The following SPEF2 variants were observed in gnomAD, a reference collection of about 807,000 sequenced individuals.
SPEF2 encodes the protein sperm flagella and cilia-associated protein 2.
A neutral mutation model predicts 224.6 loss-of-function variants in SPEF2; 187 were observed. That is an observed-to-expected ratio of 0.83 (90% CI 0.74 to 0.94). SPEF2 has a LOEUF of 0.94. SPEF2 is among the 40% of genes least tolerant of loss of function. SPEF2 has a pLI of 0.00. For missense variants in SPEF2, 2,170 were observed against 2,135.6 expected, an observed-to-expected ratio of 1.02 and a Z score of -0.32; for synonymous variants, 715 against 707.3, an observed-to-expected ratio of 1.01 and a Z score of -0.17.
At chr5:35,727,272 T>C (rs1311272755) in intron 20 of SPEF2, among the ~76,000 whole-genome samples, 1 of 152,186 alleles carries the variant, frequency 6.6e-6, no homozygotes, top group Non-Finnish European at 1.5e-5. Context: ...CTCCAAGGGA[T>C]ACCAAGAGCA....
chr5:35,788,548 T>C (rs746131206), intron 30 of SPEF2: 14 of 702,424 alleles, frequency 2.0e-5, no homozygotes, highest in Non-Finnish European at 3.6e-5. Flanking sequence ...GTCAAATTGT[T>C]GGGGTACAGA....
At chr5:35,752,337 G>C (rs1391050735) in intron 23 of SPEF2, among the ~76,000 whole-genome samples, 1 of 152,120 alleles carries the variant, frequency 6.6e-6, no homozygotes, top group Non-Finnish European at 1.5e-5. Context: ...CACTCAGGCT[G>C]AGGTGCAGTG....
rs1434999723 is a variant in SPEF2, at chr5:35,662,604, A to G, written c.1167+3397A>G. ...TAATCCATCTTGAGTTAATTATTGT[A>G]TATGGTGTAAGGGAGGGGTCCAGTT... On this transcript the variant is annotated intron_variant, in intron 8 of 36. Coordinates refer to ENST00000356031, the MANE Select transcript of SPEF2 (RefSeq NM_024867.4). 2.6e-5 allele frequency among the ~76,000 whole-genome samples: 4 copies of G among 152,194 alleles called. No homozygotes were observed. The East Asian group carries it at 5.8e-4, about 22-fold the overall frequency.
intron 1 of SPEF2, among the ~76,000 whole-genome samples, chr5:35,619,691 AAAC>A (rs1743227905): frequency 6.8e-6 from 1 of 146,542 alleles, no homozygotes; most frequent in African/African-American, 2.8e-5. Context: ...AACAAACAAA[AAAC>A]AAAACAAACA....
At chr5:35,654,000 C>A (rs899864537) in intron 6 of SPEF2, among the ~76,000 whole-genome samples, 5 of 149,936 alleles carry the variant, frequency 3.3e-5, no homozygotes, top group South Asian at 4.2e-4. Flanking sequence ...TGGCTCATGC[C>A]TGTAATCCTC....
intron 23 of SPEF2, among the ~76,000 whole-genome samples, chr5:35,752,627 C>T (rs1028000469): frequency 5.0e-3 from 1 of 200 alleles, no homozygotes; most frequent in Non-Finnish European, 0.013. Context: ...CAAAAGCTGT[C>T]GATTTTTATT....
At chr5:35,770,539 A>G (rs998578565) in intron 26 of SPEF2, among the ~76,000 whole-genome samples, 14 of 152,138 alleles carry the variant, frequency 9.2e-5, no homozygotes, top group Non-Finnish European at 4.4e-5. Flanking sequence ...AGCCCCTGGT[A>G]ACCACTCTTG....
At chr5:35,762,007 T>G (rs1472071180) in intron 25 of SPEF2, among the ~76,000 whole-genome samples, 3 of 152,180 alleles carry the variant, frequency 2.0e-5, no homozygotes, top group African/African-American at 4.8e-5. Flanking sequence ...GTTAAAAATT[T>G]TCATATATTT....
At chr5:35,685,807 A>G (rs1443943495) in intron 10 of SPEF2, among the ~76,000 whole-genome samples, 2 of 151,906 alleles carry the variant, frequency 1.3e-5, no homozygotes, top group African/African-American at 2.4e-5. Flanking sequence ...CCCCTCCAGA[A>G]AATGGTTAGG....
intron 34 of SPEF2, among the ~76,000 whole-genome samples, chr5:35,802,074 CAGG>C (rs1561388262): frequency 1.3e-5 from 2 of 152,054 alleles, no homozygotes; most frequent in African/African-American, 4.8e-5. Flanking sequence ...ATGCCCCAAA[CAGG>C]GGGGAGCATG....
At chr5:35,742,548 AAT>A (rs1284231002) in intron 23 of SPEF2, among the ~76,000 whole-genome samples, 2 of 151,880 alleles carry the variant, frequency 1.3e-5, no homozygotes, top group Admixed American at 1.3e-4. Flanking sequence ...CTTTTTTGTT[AAT>A]CTTTGCCAAT....
rs77036027 is a variant in SPEF2 at position 35,779,317 on chromosome 5, G to A, written c.4418G>A (p.Arg1473Gln). Residue 1473 changes from arginine to glutamine, a missense_variant, in exon 30 of 37, where the codon CGA becomes CAA. By Grantham distance (43) the Arg-to-Gln change is conservative (BLOSUM62 1). Coordinates refer to ENST00000356031, the MANE Select transcript of SPEF2 (RefSeq NM_024867.4). ...TLTIEQLDSL[R>Q]DQFLDMAPKG... ...ACCATTGAACAGCTTGACAGTCTTC[G>A]AGATCAGTTCTTAGATATGGCACCT... is the stretch of plus-strand genomic sequence containing the variant. 1.4e-4 allele frequency: 219 copies of A among 1,612,132 alleles called. 1 individual carries two copies. In the East Asian group the frequency reaches 3.6e-3, roughly 26 times the overall value.
intron 24 of SPEF2, among the ~76,000 whole-genome samples, chr5:35,758,190 A>G (rs535440939): frequency 1.3e-5 from 2 of 151,340 alleles, no homozygotes; most frequent in Admixed American, 1.3e-4. Context: ...TGGTGTAGAT[A>G]AGGCTTTGAA....
intron 26 of SPEF2, 108 bp from the exon 27 acceptor site, chr5:35,771,501 G>T (rs1035502471): frequency 7.2e-7 from 1 of 1,394,160 alleles, no homozygotes; most frequent in Non-Finnish European, 9.6e-7. Flanking sequence ...GGGCACAATT[G>T]TTTACAGTGG....
intron 25 of SPEF2, among the ~76,000 whole-genome samples, chr5:35,760,194 T>C (rs1416886772): frequency 6.6e-6 from 1 of 151,714 alleles, no homozygotes; most frequent in African/African-American, 2.4e-5. Flanking sequence ...ACCCCGTCTC[T>C]ACTAAAAATA....
Position 35,767,161 on chromosome 5 carries a change from A to G in SPEF2, c.3801+3459A>G, listed in dbSNP as rs534022987. On this transcript the variant is annotated intron_variant, in intron 26 of 36. Coordinates refer to ENST00000356031, the MANE Select transcript of SPEF2 (RefSeq NM_024867.4). ...GAATTATGAAGAGAGTTATAATAAGATCATCTGTACTTTGGTCAATTTGCT... is the reference window on the plus strand; with the variant it reads ...GAATTATGAAGAGAGTTATAATAAGGTCATCTGTACTTTGGTCAATTTGCT... Among the ~76,000 whole-genome samples the G allele has an allele frequency of 1.7e-3, 255 of 151,980 alleles. 15 individuals are homozygous for G. The South Asian group carries it at 0.052, about 31-fold the overall frequency.
intron 8 of SPEF2, among the ~76,000 whole-genome samples, 175 bp from the exon 9 acceptor site, chr5:35,666,897 G>T (rs922443283): frequency 6.6e-6 from 1 of 152,104 alleles, no homozygotes; most frequent in African/African-American, 2.4e-5. Flanking sequence ...TTCCAATATT[G>T]TCTTTGCATT....
At position 35,692,667 on chromosome 5, in the gene SPEF2, G is replaced by T. The variant is rs1754694784; in HGVS notation, c.1842G>T (p.Gln614His). The T allele has an allele frequency of 6.2e-7, 1 of 1,613,484 alleles. No individual in the cohort carries two copies. Among genetic ancestry groups the T allele is most frequent in the Admixed American group, 1.7e-5 (1 of 59,914 alleles). The change falls in exon 12 of 37, where the codon CAG becomes CAT. Residue 614 changes from glutamine to histidine, a missense_variant. Transcript: ENST00000356031. The stretch of plus-strand genomic sequence containing the variant: ...AAGTCAGTGAGGTTCTACCAATTCA[G>T]AAAAATGATGAAGAAGATGCTCTAC... Reference protein sequence around the residue: ...NEKVSEVLPIQKNDEEDALPV... With the variant: ...NEKVSEVLPIHKNDEEDALPV...
At chr5:35,798,755 G>A (rs994235436) in intron 33 of SPEF2, among the ~76,000 whole-genome samples, 4 of 151,858 alleles carry the variant, frequency 2.6e-5, no homozygotes, top group Admixed American at 6.6e-5. Context: ...CACCAGACCC[G>A]GCTAATTTTT....
Sources: gnomAD v4.1 joint callset for allele counts (sites outside exome capture counted in the v4.1 genomes callset) on GRCh38, gnomAD v4.1.1 for gene constraint, MANE v1.5 for transcripts, NCBI Gene and HGNC (gene_info 2026-07-23, HGNC 2026-07-21) for gene names.